Variants in DLG5 observed in about 807,000 individuals in gnomAD.
DLG5 encodes disks large homolog 5.
Under a neutral mutation model 189.8 loss-of-function variants are expected in DLG5, and 48 were observed. The observed-to-expected ratio is 0.25, with a 90% confidence interval of 0.20 to 0.32. DLG5 has a LOEUF of 0.32. Among genes scored for constraint, DLG5 ranks in the 10% least tolerant of loss-of-function variants. The probability of loss-of-function intolerance (pLI) is 1.00; values close to 1 mark genes in which losing one functional copy is unlikely to be tolerated. For missense variants in DLG5, 2,160 were observed against 2,544.7 expected, an observed-to-expected ratio of 0.85 and a Z score of 3.25; for synonymous variants, 1,016 against 1,054.1, an observed-to-expected ratio of 0.96 and a Z score of 0.70.
chr10:77,911,271 G>T (rs1005170061), intron 1 of DLG5, among the ~76,000 whole-genome samples: 1 of 151,994 alleles, frequency 6.6e-6, no homozygotes, highest in Non-Finnish European at 1.5e-5. Flanking sequence ...GGGACCACAG[G>T]CATGCGCCAC....
At chr10:77,835,467 C>T (rs186105680) in intron 8 of DLG5, among the ~76,000 whole-genome samples, 25 of 152,312 alleles carry the variant, frequency 1.6e-4, no homozygotes, top group Non-Finnish European at 1.9e-4. Context: ...TAAAAGAGGT[C>T]GGCCTCGTGC....
chr10:77,855,476 C>T (rs952912692), intron 3 of DLG5, among the ~76,000 whole-genome samples: 4 of 152,248 alleles, frequency 2.6e-5, no homozygotes, highest in Admixed American at 6.5e-5. Context: ...ATACTTTAGG[C>T]TTTGCACACT....
At chr10:77,895,503 TGGCAG>T (rs1845732398) in intron 1 of DLG5, among the ~76,000 whole-genome samples, 1 of 152,164 alleles carries the variant, frequency 6.6e-6, no homozygotes, top group East Asian at 1.9e-4. Context: ...GAAAAGAATT[TGGCAG>T]GACAGTTTAA....
intron 2 of DLG5, among the ~76,000 whole-genome samples, chr10:77,859,449 G>C (rs1169205303): frequency 6.6e-6 from 1 of 152,168 alleles, no homozygotes; most frequent in Non-Finnish European, 1.5e-5. Context: ...TCATGTAAGT[G>C]CCCTGTACAG....
At chr10:77,887,698 T>C (rs1185695461) in intron 1 of DLG5, among the ~76,000 whole-genome samples, 1 of 152,126 alleles carries the variant, frequency 6.6e-6, no homozygotes, top group Non-Finnish European at 1.5e-5. Context: ...TGAGATGAGA[T>C]AAGAGATTCA....
At chr10:77,931,413 A>ATT (rs11392273), upstream of DLG5, among the ~76,000 whole-genome samples, 13 of 147,870 alleles carry the variant, frequency 8.8e-5, no homozygotes, top group South Asian at 4.3e-4. Flanking sequence ...ACACCTAGGT[A>ATT]TTTTTTTTTT....
rs956665142 is a variant in DLG5, at chr10:77,806,625, C to T, written c.4967+133G>A. The T allele has an allele frequency of 5.6e-6, 7 of 1,259,070 alleles. No individual in the cohort carries two copies. The African/African-American group carries it at 7.4e-5, about 13-fold the overall frequency. The allele number at this position is 1,259,070 out of a possible 1,614,324, so 78.0% of individuals were successfully genotyped here. On this transcript the variant is annotated intron_variant, in intron 26 of 31. Coordinates refer to ENST00000372391, the MANE Select transcript of DLG5 (RefSeq NM_004747.4). ...AGCACTTTTGGCAAAATGTAGAGAG[C>T]AGAAGCTAAGATAAGAAGCAGAATC...
intron 1 of DLG5, among the ~76,000 whole-genome samples, chr10:77,876,548 T>G (rs1209558397): frequency 6.6e-6 from 1 of 151,746 alleles, no homozygotes; most frequent in Non-Finnish European, 1.5e-5. Flanking sequence ...CTATTTTGTA[T>G]TTTTTAGTAA....
chr10:77,890,001 C>A (rs954074533), intron 1 of DLG5, among the ~76,000 whole-genome samples: 7 of 152,118 alleles, frequency 4.6e-5, no homozygotes, highest in Non-Finnish European at 8.8e-5. Flanking sequence ...TCTACCCCAG[C>A]TGCTCTGACC....
chr10:77,838,635 T>C (rs747246308), intron 7 of DLG5, among the ~76,000 whole-genome samples: 8 of 152,160 alleles, frequency 5.3e-5, no homozygotes, highest in Non-Finnish European at 1.0e-4. Context: ...GACGTGCAGA[T>C]AGAAGACAGA....
intron 1 of DLG5, among the ~76,000 whole-genome samples, chr10:77,911,704 C>T (rs1846225893): frequency 6.6e-6 from 1 of 152,140 alleles, no homozygotes. Context: ...AGGGAAAACA[C>T]ACCCTGGCTT....
At chr10:77,806,661 C>T in intron 26 of DLG5, 97 bp downstream of exon 26, 1 of 1,455,170 alleles carries the variant, frequency 6.9e-7, no homozygotes, top group African/African-American at 1.4e-5. Flanking sequence ...CCTCCTCCAG[C>T]AGCCCTGGCC....
chr10:77,819,385 T>A lies in DLG5; in HGVS notation c.3607A>T (p.Arg1203Trp), dbSNP rs765108929. The A allele has an allele frequency of 1.4e-5, 23 of 1,614,000 alleles. No individual in the cohort carries two copies. Among genetic ancestry groups the A allele is most frequent in the Non-Finnish European group, 1.9e-5 (23 of 1,180,032 alleles). Reference sequence around the variant, plus strand: ...GGTGGAGAGCTGCAGGGGCCGACCCTGTGACTGCGCACAGTGTAGATGGGG... The same window carrying A: ...GGTGGAGAGCTGCAGGGGCCGACCCAGTGACTGCGCACAGTGTAGATGGGG... ...RNPIYTVRSHRVGPCSSPPAA... is the reference protein window; with the variant it reads ...RNPIYTVRSHWVGPCSSPPAA... The change falls in exon 17 of 32, where the codon AGG becomes TGG. Residue 1203 changes from arginine (R) to tryptophan (W), a missense_variant. Around this residue, in one of 5 missense-constraint regions of DLG5, gnomAD observed 754 missense variants for 746.5 expected, o/e 1.01. Transcript: ENST00000372391.
chr10:77,889,940 G>GCT (rs1167194871), intron 1 of DLG5, among the ~76,000 whole-genome samples: 1 of 152,150 alleles, frequency 6.6e-6, no homozygotes, highest in Non-Finnish European at 1.5e-5. Context: ...CAAAAGTGCA[G>GCT]AAGATCCCAA....
chr10:77,926,377 C>A lies in DLG5; in HGVS notation c.144G>T (p.Ala48=). 2 of 1,597,256 alleles carry A rather than the reference C, an allele frequency of 1.3e-6. No individual in the cohort carries two copies. The highest frequency in any genetic ancestry group is 2.3e-5 in the South Asian group (2 of 87,456). The change falls in exon 1 of 32, where the codon GCG becomes GCT. Residue 48 remains alanine (A), a synonymous_variant. Coordinates refer to ENST00000372391, the MANE Select transcript of DLG5 (RefSeq NM_004747.4). This position sits in a 1 kb window ranked among gnomAD's most constrained non-coding sequence, Gnocchi z 5.2. ...PGERRQLDEE[A]GGAKAELLLK... is the part of the protein sequence containing the mutation. ...GCAGCAGCTCCGCCTTGGCGCCTCC[C>A]GCCTCCTCGTCCAGCTGCCGCCGCT...
intron 1 of DLG5, among the ~76,000 whole-genome samples, chr10:77,922,195 C>T (rs1463192731): frequency 6.6e-6 from 1 of 152,168 alleles, no homozygotes; most frequent in African/African-American, 2.4e-5. Context: ...CACTTCAATG[C>T]TCCCGGTGAC....
intron 2 of DLG5, among the ~76,000 whole-genome samples, chr10:77,860,855 CTT>C (rs2154576866): frequency 6.6e-6 from 1 of 152,172 alleles, no homozygotes; most frequent in South Asian, 2.1e-4. Context: ...CCAAAGAGCT[CTT>C]GTTCACAGAT....
intron 7 of DLG5, among the ~76,000 whole-genome samples, chr10:77,836,456 A>C (rs1282626436): frequency 6.6e-6 from 1 of 152,198 alleles, no homozygotes; most frequent in Non-Finnish European, 1.5e-5. Context: ...GCACGACAGC[A>C]GAGGCGCTGA....
chr10:77,795,067 A>C, intron 29 of DLG5, 109 bp from the exon 30 acceptor site: 1 of 772,244 alleles, frequency 1.3e-6, no homozygotes, highest in Non-Finnish European at 2.1e-6. Context: ...ACCCACAAAC[A>C]AGGCAGTAAA....
Sources: allele counts gnomAD v4.1 joint callset (sites outside exome capture counted in the v4.1 genomes callset), GRCh38; gene constraint gnomAD v4.1.1; regional missense constraint gnomAD v4.1.1; non-coding constraint Gnocchi (gnomAD v3.1); transcripts MANE v1.5; gene names NCBI Gene and HGNC (gene_info 2026-07-23, HGNC 2026-07-21).